CCSER1: variants seen among roughly 807,000 people sequenced by gnomAD.
The protein encoded by CCSER1 is serine-rich coiled-coil domain-containing protein 1.
Under a neutral mutation model 82.0 loss-of-function variants are expected in CCSER1, and 41 were observed. That is an observed-to-expected ratio of 0.50 (90% confidence interval 0.39 to 0.65). CCSER1 has a LOEUF of 0.65. CCSER1 is among the 30% of genes least tolerant of loss of function. The probability of loss-of-function intolerance (pLI) is 0.00; values close to 1 mark genes in which losing one functional copy is unlikely to be tolerated. For synonymous variants in CCSER1, 414 were observed against 383.9 expected, an observed-to-expected ratio of 1.08 and a Z score of -0.92; for missense variants, 1,119 against 1,064.2, an observed-to-expected ratio of 1.05 and a Z score of -0.72.
At chr4:91,450,511 A>T (rs893287981) in intron 10 of CCSER1, among the ~76,000 whole-genome samples, 2 of 152,206 alleles carry the variant, frequency 1.3e-5, no homozygotes, top group African/African-American at 4.8e-5. Flanking sequence ...GTGTCACAGT[A>T]TAGTAATCTT....
At chr4:90,394,627 G>C (rs1415765538) in intron 3 of CCSER1, among the ~76,000 whole-genome samples, 1 of 151,900 alleles carries the variant, frequency 6.6e-6, no homozygotes, top group Non-Finnish European at 1.5e-5. Flanking sequence ...ATTTTTGATG[G>C]CCTTTATATA....
At chr4:91,035,529 C>T (rs565771300) in intron 9 of CCSER1, among the ~76,000 whole-genome samples, 42 of 152,260 alleles carry the variant, frequency 2.8e-4, no homozygotes, top group Non-Finnish European at 4.9e-4. Context: ...TCGCGGAAAT[C>T]TCTGTGGTGT....
intron 5 of CCSER1, among the ~76,000 whole-genome samples, chr4:90,599,220 G>A (rs1350371951): frequency 6.6e-6 from 1 of 152,138 alleles, no homozygotes; most frequent in African/African-American, 2.4e-5. Flanking sequence ...CTCAGGTGGT[G>A]ATCCTACATG....
rs189106601 is a variant in CCSER1, at chr4:90,507,986, T to G, written c.1724+39632T>G. 2.6e-5 allele frequency among the ~76,000 whole-genome samples: 4 copies of G among 152,130 alleles called. No individual in the cohort carries two copies. The East Asian group carries it at 7.7e-4, about 29-fold the overall frequency. Reference sequence around the variant, plus strand: ...ATAAAAGAACTCTGAAAATGAAGAATTTTCATAAATGTAACCGATAATGTA... The same window carrying G: ...ATAAAAGAACTCTGAAAATGAAGAAGTTTCATAAATGTAACCGATAATGTA... On this transcript the variant is annotated intron_variant, in intron 5 of 10. Transcript: ENST00000509176.
intron 1 of CCSER1, chr4:90,235,208 C>G (rs567891046): frequency 6.5e-6 from 1 of 152,832 alleles, no homozygotes; most frequent in Admixed American, 6.5e-5. Context: ...CTGCTGATGC[C>G]TTGGGCTCTC....
chr4:90,833,234 G>A lies in CCSER1; in HGVS notation c.2094+17389G>A, dbSNP rs79359253. On this transcript the variant is annotated intron_variant, in intron 8 of 10. Coordinates refer to ENST00000509176, the MANE Select transcript of CCSER1 (RefSeq NM_001145065.2). ...GCGCTGTGTCCTCAAATGGAAGAAA[G>A]GACGAAGAGGGGCCTAACTCATTTT... 4.8e-4 allele frequency among the ~76,000 whole-genome samples: 73 copies of A among 152,284 alleles called. 1 individual carries two copies. In the East Asian group the frequency reaches 0.011, roughly 23 times the overall value.
intron 10 of CCSER1, among the ~76,000 whole-genome samples, chr4:91,402,127 T>G (rs1378313689): frequency 6.6e-6 from 1 of 152,192 alleles, no homozygotes; most frequent in Non-Finnish European, 1.5e-5. Context: ...TGGTTTTGAT[T>G]TGCATTTCTC....
intron 8 of CCSER1, among the ~76,000 whole-genome samples, chr4:90,861,237 T>C (rs1322169699): frequency 1.3e-5 from 2 of 151,718 alleles, no homozygotes; most frequent in Non-Finnish European, 3.0e-5. Flanking sequence ...AATTGTCTAC[T>C]AATGATATGA....
intron 5 of CCSER1, among the ~76,000 whole-genome samples, chr4:90,528,945 AT>A (rs1453645651): frequency 6.6e-6 from 1 of 151,804 alleles, no homozygotes; most frequent in African/African-American, 2.4e-5. Flanking sequence ...TTGTGTTGGA[AT>A]TTTGTTGTCC....
At chr4:90,508,611 G>T (rs1338292373) in intron 5 of CCSER1, among the ~76,000 whole-genome samples, 1 of 151,952 alleles carries the variant, frequency 6.6e-6, no homozygotes, top group Non-Finnish European at 1.5e-5. Context: ...CCGAGCTTTA[G>T]TATAGTGATG....
chr4:91,573,285 G>C lies in CCSER1; in HGVS notation c.2218-25287G>C, dbSNP rs1366383936. ...GATACAATGCTGCCATTGGTGGCTG[G>C]CTGGAATTCTAAGTCAGTGGGTCTT... On this transcript the variant is annotated intron_variant, in intron 10 of 10. Coordinates refer to ENST00000509176, the MANE Select transcript of CCSER1 (RefSeq NM_001145065.2). Among the ~76,000 whole-genome samples, 5 of 152,200 alleles carry C rather than the reference G, an allele frequency of 3.3e-5. No homozygotes were observed. In the East Asian group the frequency reaches 9.6e-4, roughly 29 times the overall value.
intron 4 of CCSER1, among the ~76,000 whole-genome samples, chr4:90,457,590 C>G (rs1310839752): frequency 3.9e-5 from 6 of 152,120 alleles, no homozygotes; most frequent in African/African-American, 1.4e-4. Context: ...GAGAGAAGAC[C>G]CACAGTGGGT....
intron 5 of CCSER1, among the ~76,000 whole-genome samples, chr4:90,511,850 A>T (rs746734225): frequency 2.0e-5 from 3 of 152,192 alleles, no homozygotes; most frequent in Non-Finnish European, 4.4e-5. Context: ...GGGATGGCTT[A>T]ACCACAAAGA....
intron 10 of CCSER1, among the ~76,000 whole-genome samples, chr4:91,296,483 A>ATATATATATATATATT (rs1175690764): frequency 8.9e-5 from 11 of 124,046 alleles, no homozygotes; most frequent in South Asian, 4.7e-4. Context: ...ATATATATAT[A>ATATATATATATATATT]TATTTTAATT....
At chr4:90,232,117 A>G (rs1744701881) in intron 1 of CCSER1, among the ~76,000 whole-genome samples, 1 of 152,202 alleles carries the variant, frequency 6.6e-6, no homozygotes, top group Admixed American at 6.5e-5. Context: ...AATTGGAAAA[A>G]ACTACTTTAA....
chr4:91,162,855 A>G (rs866582492), intron 10 of CCSER1, among the ~76,000 whole-genome samples: 82 of 151,950 alleles, frequency 5.4e-4, no homozygotes, highest in African/African-American at 2.0e-3. Context: ...TGGACTATCA[A>G]TTTTGTTGAT....
At position 91,474,459 on chromosome 4, in the gene CCSER1, A is replaced by C. The variant is rs192504189; in HGVS notation, c.2218-124113A>C. On this transcript the variant is annotated intron_variant, in intron 10 of 10. Transcript: ENST00000509176. The stretch of plus-strand genomic sequence containing the variant: ...GGATATAGAATTTTACAGTTGATAA[A>C]TCTTTTTAATTCAAATCATTCTATT... Among the ~76,000 whole-genome samples the C allele has an allele frequency of 1.8e-4, 27 of 151,818 alleles. No homozygotes were observed. The East Asian group carries it at 5.2e-3, about 29-fold the overall frequency.
intron 10 of CCSER1, among the ~76,000 whole-genome samples, chr4:91,290,858 TA>T (rs1743686012): frequency 2.0e-5 from 3 of 151,940 alleles, no homozygotes; most frequent in African/African-American, 7.2e-5. Flanking sequence ...ATTGAATAAA[TA>T]AATTTAATAG....
chr4:91,038,173 TACA>T (rs1396476507), intron 9 of CCSER1, among the ~76,000 whole-genome samples: 1 of 152,192 alleles, frequency 6.6e-6, no homozygotes, highest in Non-Finnish European at 1.5e-5. Context: ...TGCTTCTGTG[TACA>T]TGAGCAGTAA....
Sources: gnomAD v4.1 joint callset for allele counts (sites outside exome capture counted in the v4.1 genomes callset) on GRCh38, gnomAD v4.1.1 for gene constraint, MANE v1.5 for transcripts, NCBI Gene and HGNC (gene_info 2026-07-23, HGNC 2026-07-21) for gene names.